DOCK5: variants seen among roughly 807,000 people sequenced by gnomAD.
DOCK5 encodes dedicator of cytokinesis protein 5.
DOCK5 carries 142 observed loss-of-function variants against 251.8 expected under a neutral mutation model. The observed-to-expected ratio is 0.56, with a 90% confidence interval of 0.49 to 0.65. DOCK5 has a LOEUF of 0.65. Ranked by LOEUF, DOCK5 falls within the 30% of genes least tolerant of loss-of-function variation. The pLI, the probability that DOCK5 is intolerant of heterozygous loss-of-function variation, is 0.00. For synonymous variants in DOCK5, 842 were observed against 835.5 expected (o/e 1.01, Z -0.13); for missense variants, 2,111 against 2,312.3 (o/e 0.91, Z 1.79).
Position 25,377,365 on chromosome 8 carries a change from C to T in DOCK5, c.3877C>T (p.Gln1293Ter), listed in dbSNP as rs908938338. The change falls in exon 38 of 52, where the codon CAG becomes TAG. Residue 1293 changes from glutamine (Q) to a stop codon, truncating the protein, a stop_gained. Transcript: ENST00000276440. LOFTEE classifies it high-confidence loss of function. ...GAAGGACAGTTACTATGTTTATACCCAGCAAGAGCTTAAAGAGAAGCTGTA... is the reference window on the plus strand; with the variant it reads ...GAAGGACAGTTACTATGTTTATACCTAGCAAGAGCTTAAAGAGAAGCTGTA... ...LQKDSYYVYT[Q>*]QELKEKLYQE... The T allele has an allele frequency of 2.5e-6, 4 of 1,613,764 alleles. No homozygotes were observed. Among genetic ancestry groups the T allele is most frequent in the Non-Finnish European group, 1.7e-6 (2 of 1,179,740 alleles).
In DOCK5 at chr8:25,340,899, G is replaced by C. The variant is rs1365572820; in HGVS notation, c.2350G>C (p.Gly784Arg). The C allele has an allele frequency of 6.2e-7, 1 of 1,613,504 alleles. No homozygotes were observed. The highest frequency in any genetic ancestry group is 8.5e-7 in the Non-Finnish European group (1 of 1,179,752). Reference protein sequence around the residue: ...YLRFYGQSKDGDEFNNSIRQL... With the variant: ...YLRFYGQSKDRDEFNNSIRQL... ...AAGATTTTATGGGCAGAGCAAAGAT[G>C]GAGATGAGTTTAATAATTCAATTCG... The change falls in exon 23 of 52, where the codon GGA becomes CGA. Residue 784 changes from glycine (G) to arginine (R), a missense_variant. Physicochemically the swap from Gly to Arg is moderately radical, Grantham distance 125. Around this residue, in one of 3 missense-constraint regions of DOCK5, gnomAD observed 1,717 missense variants for 1,892.4 expected, o/e 0.91. Transcript: ENST00000276440.
chr8:25,198,768 AG>A (rs1042793854), intron 1 of DOCK5, among the ~76,000 whole-genome samples: 2 of 152,202 alleles, frequency 1.3e-5, no homozygotes, highest in African/African-American at 4.8e-5. Context: ...CACAGCTAGT[AG>A]CAAATTTTTG....
intron 1 of DOCK5, among the ~76,000 whole-genome samples, chr8:25,192,550 G>A (rs1801610323): frequency 6.6e-6 from 1 of 152,192 alleles, no homozygotes; most frequent in Non-Finnish European, 1.5e-5. Context: ...GTGTTGCCCA[G>A]GCTGGAGTGC....
At chr8:25,372,094 C>T (rs1800883413) in intron 34 of DOCK5, among the ~76,000 whole-genome samples, 4 of 152,284 alleles carry the variant, frequency 2.6e-5, no homozygotes, top group Non-Finnish European at 5.9e-5. Flanking sequence ...GGCATCCATA[C>T]GAGGCATTCC....
chr8:25,346,048 C>T (rs1047527176), intron 26 of DOCK5, among the ~76,000 whole-genome samples: 2 of 152,152 alleles, frequency 1.3e-5, no homozygotes, highest in Non-Finnish European at 2.9e-5. Flanking sequence ...GACGGGGTTT[C>T]ACTGTGTTAG....
Position 25,351,780 on chromosome 8 carries a change from G to C in DOCK5, c.2804G>C (p.Arg935Thr). 6.2e-7 allele frequency: 1 copy of C among 1,613,910 alleles called. No individual in the cohort carries two copies. The highest frequency in any genetic ancestry group is 8.5e-7 in the Non-Finnish European group (1 of 1,179,858). ...IQLIMERLLR[R>T]INRTVIGMNR... ...CTTATAATGGAACGGCTGCTGAGAAGGATCAACCGGACAGTGATTGGGATG... is the reference window on the plus strand; with the variant it reads ...CTTATAATGGAACGGCTGCTGAGAACGATCAACCGGACAGTGATTGGGATG... The change falls in exon 27 of 52, where the codon AGG becomes ACG. Residue 935 changes from arginine to threonine, a missense_variant. Arg to Thr is a moderately conservative substitution (Grantham distance 71). Around this residue, in one of 3 missense-constraint regions of DOCK5, gnomAD observed 1,717 missense variants for 1,892.4 expected, o/e 0.91. Transcript: ENST00000276440.
At chr8:25,384,257 A>G (rs1801119984) in intron 40 of DOCK5, among the ~76,000 whole-genome samples, 1 of 152,144 alleles carries the variant, frequency 6.6e-6, no homozygotes, top group South Asian at 2.1e-4. Context: ...AAAGTAGATC[A>G]GTGGTTGCTG....
At chr8:25,383,193 G>A (rs1030999877) in intron 40 of DOCK5, among the ~76,000 whole-genome samples, 1 of 152,072 alleles carries the variant, frequency 6.6e-6, no homozygotes, top group Non-Finnish European at 1.5e-5. Context: ...TAATGACAAG[G>A]ATGGTATTTT....
chr8:25,334,117 G>A lies in DOCK5; in HGVS notation c.2113G>A (p.Gly705Arg), dbSNP rs1418403729. ...GCAGGTATTTATTATTTCACTGATA[G>A]GAGACATCAAGTTCCAGCATTTTAA... ...DALVFIISLI[G>R]DIKFQHFNPV... The change falls in exon 21 of 52, where the codon GGA (glycine) becomes AGA (arginine). Residue 705 changes from glycine (G) to arginine (R), a missense_variant. Gly to Arg is a moderately radical substitution (Grantham distance 125). This residue lies in a region of DOCK5 where 1,717 missense variants were observed against 1,892.4 expected (regional missense o/e 0.91). Coordinates refer to ENST00000276440, the MANE Select transcript of DOCK5 (RefSeq NM_024940.8). The A allele has an allele frequency of 1.1e-5, 17 of 1,613,520 alleles. No individual in the cohort carries two copies. The highest frequency in any genetic ancestry group is 1.4e-5 in the Non-Finnish European group (17 of 1,179,706).
chr8:25,189,307 C>T (rs937961352), intron 1 of DOCK5, among the ~76,000 whole-genome samples: 1 of 152,094 alleles, frequency 6.6e-6, no homozygotes, highest in East Asian at 1.9e-4. Flanking sequence ...CTCCTTCAGC[C>T]TTAAGCCTCC....
chr8:25,392,367 G>T (rs1377336706), intron 43 of DOCK5, among the ~76,000 whole-genome samples: 2 of 150,484 alleles, frequency 1.3e-5, no homozygotes, highest in Non-Finnish European at 3.0e-5. Flanking sequence ...TACCTAACCA[G>T]CTTCCACAGG....
chr8:25,341,541 G>T (rs1586344229), intron 23 of DOCK5, among the ~76,000 whole-genome samples, 198 bp from the exon 24 acceptor site: 1 of 152,154 alleles, frequency 6.6e-6, no homozygotes, highest in African/African-American at 2.4e-5. Context: ...CCAGAAAGCT[G>T]TACCCCCTGG....
chr8:25,391,369 C>A (rs944060398), intron 42 of DOCK5, among the ~76,000 whole-genome samples: 1 of 152,060 alleles, frequency 6.6e-6, no homozygotes, highest in Admixed American at 6.6e-5. Context: ...GCCACATATA[C>A]CTTTTAAAAT....
chr8:25,185,131 G>A (rs1801400203), intron 1 of DOCK5, among the ~76,000 whole-genome samples, 180 bp downstream of exon 1: 1 of 152,108 alleles, frequency 6.6e-6, no homozygotes, highest in African/African-American at 2.4e-5. Context: ...TGGGGAAGTC[G>A]CCCAGGGTTT....
chr8:25,315,041 T>C (rs1805204811), intron 13 of DOCK5, among the ~76,000 whole-genome samples: 1 of 148,342 alleles, frequency 6.7e-6, no homozygotes, highest in Non-Finnish European at 1.5e-5. Flanking sequence ...TACTGCATCC[T>C]GAATGTTCTA....
chr8:25,390,336 G>GA, intron 42 of DOCK5, 49 bp downstream of exon 42: 2 of 1,454,986 alleles, frequency 1.4e-6, no homozygotes, highest in Non-Finnish European at 1.9e-6. Flanking sequence ...TCTAGGCACA[G>GA]TGGCTCACAT....
chr8:25,331,801 TAGAGAGAGAGAGAGAGAG>T (rs59239520), intron 18 of DOCK5, among the ~76,000 whole-genome samples: 54 of 118,512 alleles, frequency 4.6e-4, no homozygotes, highest in African/African-American at 1.3e-3. Flanking sequence ...TATATATATA[TAGAGAGAGAGAGAGAGAG>T]AGAGAGAGAG....
intron 2 of DOCK5, among the ~76,000 whole-genome samples, chr8:25,268,370 G>T (rs1471657437): frequency 1.3e-5 from 2 of 151,964 alleles, no homozygotes. Context: ...AATTTTTCCA[G>T]AATAGTGGTT....
chr8:25,298,702 G>A (rs534550873), intron 7 of DOCK5, among the ~76,000 whole-genome samples: 1 of 152,076 alleles, frequency 6.6e-6, no homozygotes, highest in African/African-American at 2.4e-5. Flanking sequence ...CTGTTCCCAG[G>A]TAGCTGGGAC....
Sources: allele counts gnomAD v4.1 joint callset (sites outside exome capture counted in the v4.1 genomes callset), GRCh38; gene constraint gnomAD v4.1.1; regional missense constraint gnomAD v4.1.1; transcripts MANE v1.5; gene names NCBI Gene and HGNC (gene_info 2026-07-23, HGNC 2026-07-21).